ARHGEF11: variants seen among roughly 807,000 people sequenced by gnomAD.
ARHGEF11 encodes Rho guanine exchange factor (GEF) 11.
Under a neutral mutation model 193.7 loss-of-function variants are expected in ARHGEF11, and 55 were observed. The observed-to-expected ratio is 0.28, with a 90% CI of 0.23 to 0.36. ARHGEF11 has a LOEUF of 0.36. ARHGEF11 is among the 10% of genes least tolerant of loss of function. The pLI, the probability that ARHGEF11 is intolerant of heterozygous loss-of-function variation, is 1.00. For synonymous variants in ARHGEF11, 693 were observed against 768.0 expected, an observed-to-expected ratio of 0.90 and a Z score of 1.62; for missense variants, 1,723 against 2,005.6, an observed-to-expected ratio of 0.86 and a Z score of 2.69.
chr1:156,956,543 G>C lies in ARHGEF11; in HGVS notation c.1548C>G (p.Leu516=). Residue 516 remains leucine, a synonymous_variant, in exon 19 of 41, where the codon CTC becomes CTG. Coordinates refer to ENST00000368194, the MANE Select transcript of ARHGEF11 (RefSeq NM_198236.3). ...EDRSAPMDFA[L]NTYMSHAGIR... ...TCCCAGCATGGCTCATGTAGGTATTGAGGGCGAAGTCCATGGGGGCGCTGT... is the reference window on the plus strand; with the variant it reads ...TCCCAGCATGGCTCATGTAGGTATTCAGGGCGAAGTCCATGGGGGCGCTGT... 6.2e-7 allele frequency: 1 copy of C among 1,614,166 alleles called. No individual in the cohort carries two copies. The highest frequency in any genetic ancestry group is 8.5e-7 in the Non-Finnish European group (1 of 1,180,016).
intron 1 of ARHGEF11, among the ~76,000 whole-genome samples, chr1:157,001,762 T>C (rs1358034398): frequency 6.6e-6 from 1 of 152,206 alleles, no homozygotes; most frequent in Non-Finnish European, 1.5e-5. Context: ...TCTCTTACAC[T>C]CTTTCTACTG....
rs865938565 is a variant in ARHGEF11 at position 157,015,731 on chromosome 1, T to C, written c.32+28568A>G. Among the ~76,000 whole-genome samples the C allele has an allele frequency of 2.0e-5, 3 of 152,306 alleles. No individual in the cohort carries two copies. In the Middle Eastern group the frequency reaches 0.01, roughly 518 times the overall value. ...GCACAGGCATGTGTGGATTAGTGCC[T>C]CTTTCCACTGGAGGAGGAAGCACTG... is the stretch of plus-strand genomic sequence containing the variant. On this transcript the variant is annotated intron_variant, in intron 1 of 40. Transcript: ENST00000368194.
chr1:156,945,213 GAA>G lies in ARHGEF11; in HGVS notation c.2813-18_2813-17del. Reference sequence around the variant, plus strand: ...GAGGTGCCACCTACCAAAATGGACAGAAGAGATGGTTGGGGCTCCTGCCTGAG... The same window carrying G: ...GAGGTGCCACCTACCAAAATGGACAGGAGATGGTTGGGGCTCCTGCCTGAG... On this transcript the variant is annotated splice_polypyrimidine_tract_variant and intron_variant, in intron 29 of 40. Coordinates refer to ENST00000368194, the MANE Select transcript of ARHGEF11 (RefSeq NM_198236.3). 6.2e-7 allele frequency: 1 copy of G among 1,609,734 alleles called. No homozygotes were observed. The highest frequency in any genetic ancestry group is 8.5e-7 in the Non-Finnish European group (1 of 1,177,278).
rs1670671395 is a variant in ARHGEF11 at position 157,026,610 on chromosome 1, G to C, written c.32+17689C>G. On this transcript the variant is annotated intron_variant, in intron 1 of 40. Coordinates refer to ENST00000368194, the MANE Select transcript of ARHGEF11 (RefSeq NM_198236.3). ...CGAGATCCAGTGGGGCCAAGCCAGA[G>C]GCCTTCCTCAAGCAAGGGGAGGAAG... Among the ~76,000 whole-genome samples, 7 of 152,172 alleles carry C rather than the reference G, an allele frequency of 4.6e-5. No individual in the cohort carries two copies. In the South Asian group the frequency reaches 1.5e-3, roughly 32 times the overall value.
chr1:157,035,896 TATATATATATGAATCTATATATAGGA>T (rs1671912187), intron 1 of ARHGEF11, among the ~76,000 whole-genome samples: 4 of 47,756 alleles, frequency 8.4e-5, no homozygotes, highest in African/African-American at 3.4e-4. Flanking sequence ...TATATAGGAA[TATATATATATGAATCTATATATAGGA>T]ATATATATAT....
chr1:156,935,922 C>T lies in ARHGEF11; in HGVS notation c.*78G>A. The T allele has an allele frequency of 6.8e-7, 1 of 1,469,948 alleles. No homozygotes were observed. The highest frequency in any genetic ancestry group is 9.2e-7 in the Non-Finnish European group (1 of 1,084,586). 91.1% of individuals were successfully genotyped at this position (1,469,948 alleles called of 1,614,324 possible). On this transcript the variant is annotated 3_prime_UTR_variant, in exon 41 of 41. Coordinates refer to ENST00000368194, the MANE Select transcript of ARHGEF11 (RefSeq NM_198236.3). ...CTCCACAGGGAGGAGTGTTGGGATCCCCCCTACCCTGTGCCCCGGTCTCAG... is the reference window on the plus strand; with the variant it reads ...CTCCACAGGGAGGAGTGTTGGGATCTCCCCTACCCTGTGCCCCGGTCTCAG...
chr1:156,952,110 G>C (rs774718974), intron 21 of ARHGEF11, among the ~76,000 whole-genome samples: 2 of 152,100 alleles, frequency 1.3e-5, no homozygotes, highest in Non-Finnish European at 2.9e-5. Context: ...AAATATATCA[G>C]ACATTTCTCA....
intron 11 of ARHGEF11, among the ~76,000 whole-genome samples, chr1:156,967,738 T>C (rs1379317926): frequency 6.6e-6 from 1 of 152,262 alleles, no homozygotes; most frequent in African/African-American, 2.4e-5. Context: ...GCTCCTTAGC[T>C]GTTACTCCCT....
intron 8 of ARHGEF11, 103 bp downstream of exon 8, chr1:156,971,592 AGG>A (rs1034535307): frequency 7.1e-7 from 1 of 1,413,718 alleles, no homozygotes; most frequent in African/African-American, 1.4e-5. Flanking sequence ...TTCAGCCTTG[AGG>A]TCCTGGCATA....
chr1:156,991,203 C>A (rs1329043101), intron 1 of ARHGEF11, among the ~76,000 whole-genome samples: 3 of 152,200 alleles, frequency 2.0e-5, no homozygotes, highest in Admixed American at 1.3e-4. Flanking sequence ...TCACTAGTAA[C>A]AACAAACCTA....
chr1:157,028,734 CAAAGA>C (rs140517544), intron 1 of ARHGEF11, among the ~76,000 whole-genome samples: 1,968 of 152,094 alleles, frequency 0.013, 38 homozygotes, highest in African/African-American at 0.045. Flanking sequence ...AACATTTCTC[CAAAGA>C]AAATATGCAA....
At chr1:156,942,016 C>T (rs751825968) in intron 33 of ARHGEF11, 27 bp from the exon 34 acceptor site, 35 of 1,613,858 alleles carry the variant, frequency 2.2e-5, no homozygotes, top group Non-Finnish European at 3.0e-5. Context: ...ACAGAGAGGA[C>T]TGTAGTGAGA....
intron 1 of ARHGEF11, among the ~76,000 whole-genome samples, chr1:157,035,388 A>T (rs1030860119): frequency 2.0e-5 from 3 of 151,660 alleles, no homozygotes; most frequent in Non-Finnish European, 4.4e-5. Flanking sequence ...GGCACCATGG[A>T]ATTCACAAAA....
In ARHGEF11 at chr1:156,984,450, G is replaced by T. The variant is rs1434027653; in HGVS notation, c.125-13C>A. The stretch of plus-strand genomic sequence containing the variant: ...CGTTGAACGAGACCTGGAAGGCGGA[G>T]AGAAAGGTTGAGTACGCAGTGTCAC... On this transcript the variant is annotated splice_polypyrimidine_tract_variant and intron_variant, in intron 2 of 40. Transcript: ENST00000368194. The T allele has an allele frequency of 6.4e-7, 1 of 1,567,510 alleles. No individual in the cohort carries two copies.
At chr1:157,033,493 T>C (rs1265508055) in intron 1 of ARHGEF11, among the ~76,000 whole-genome samples, 1 of 152,180 alleles carries the variant, frequency 6.6e-6, no homozygotes, top group Non-Finnish European at 1.5e-5. Context: ...TTCACTTGTT[T>C]AATCCCATGT....
chr1:157,037,667 A>G (rs113188894), intron 1 of ARHGEF11, among the ~76,000 whole-genome samples: 54 of 152,328 alleles, frequency 3.5e-4, no homozygotes, highest in African/African-American at 1.2e-3. Flanking sequence ...TTTGGTGTAC[A>G]TAACGATTCA....
intron 1 of ARHGEF11, among the ~76,000 whole-genome samples, chr1:157,021,619 G>A (rs986371320): frequency 6.6e-6 from 1 of 151,986 alleles, no homozygotes; most frequent in African/African-American, 2.4e-5. Context: ...GATGCTAAAC[G>A]AGAGGCCAAA....
chr1:157,003,388 C>T (rs981589428), intron 1 of ARHGEF11, among the ~76,000 whole-genome samples: 2 of 152,196 alleles, frequency 1.3e-5, no homozygotes, highest in Non-Finnish European at 2.9e-5. Context: ...TTCAGGAGGG[C>T]AGGGACTAGG....
At chr1:157,042,342 C>T (rs1672858928) in intron 1 of ARHGEF11, among the ~76,000 whole-genome samples, 1 of 152,112 alleles carries the variant, frequency 6.6e-6, no homozygotes, top group South Asian at 2.1e-4. Context: ...TACCCTACTA[C>T]CAAAGAGAAA....
Sources: allele counts gnomAD v4.1 joint callset (sites outside exome capture counted in the v4.1 genomes callset), GRCh38; gene constraint gnomAD v4.1.1; transcripts MANE v1.5; gene names NCBI Gene and HGNC (gene_info 2026-07-23, HGNC 2026-07-21).